FAM149B1: variants seen among roughly 807,000 people sequenced by gnomAD.
The protein encoded by FAM149B1 is primary cilium assembly protein FAM149B1.
In FAM149B1, 56 loss-of-function variants were observed where a neutral mutation model predicts 75.3. The observed-to-expected ratio is 0.74, with a 90% CI of 0.60 to 0.93. The LOEUF (loss-of-function observed/expected upper bound fraction) is 0.93. Among genes scored for constraint, FAM149B1 ranks in the 40% least tolerant of loss-of-function variants. FAM149B1 has a pLI of 0.00. For synonymous variants in FAM149B1, 259 were observed against 256.1 expected (o/e 1.01, Z -0.11); for missense variants, 639 against 708.4 (o/e 0.90, Z 1.11).
At chr10:73,223,886 C>T (rs74815119) in intron 7 of FAM149B1, among the ~76,000 whole-genome samples, 6,129 of 151,976 alleles carry the variant, frequency 0.04, 346 homozygotes, top group African/African-American at 0.13. Context: ...AATAATAAAC[C>T]CTGGTAATAA....
At position 73,243,741 on chromosome 10, in the gene FAM149B1, G is replaced by T; in HGVS notation, c.*2722G>T. ...TTAAAAGGACAAATAGAAGGTATGC[G>T]GTTATGTCTTAAAAGAAGAAAACAA... On this transcript the variant is annotated 3_prime_UTR_variant, in exon 14 of 14. Transcript: ENST00000242505. 1 of 1,179,770 alleles carries T rather than the reference G, an allele frequency of 8.5e-7. No individual in the cohort carries two copies. Among genetic ancestry groups the T allele is most frequent in the Non-Finnish European group, 1.2e-6 (1 of 820,374 alleles). 73.1% of individuals were successfully genotyped at this position (1,179,770 alleles called of 1,614,324 possible).
chr10:73,195,829 T>A (rs12268171), intron 5 of FAM149B1, among the ~76,000 whole-genome samples: 2,625 of 152,304 alleles, frequency 0.017, 80 homozygotes, highest in African/African-American at 0.06. Context: ...AAATACCTAT[T>A]TATACTTTAT....
intron 5 of FAM149B1, among the ~76,000 whole-genome samples, chr10:73,196,305 T>G (rs892349054): frequency 6.6e-6 from 1 of 151,862 alleles, no homozygotes; most frequent in African/African-American, 2.4e-5. Flanking sequence ...GTTGTGCTAC[T>G]GCTATTTTGC....
intron 5 of FAM149B1, among the ~76,000 whole-genome samples, chr10:73,197,540 C>A (rs926447506): frequency 6.6e-6 from 1 of 151,940 alleles, no homozygotes; most frequent in East Asian, 1.9e-4. Flanking sequence ...GAGGCTGAGG[C>A]GGGTGGATCA....
intron 7 of FAM149B1, among the ~76,000 whole-genome samples, chr10:73,215,278 C>T (rs1343982058): frequency 6.6e-6 from 1 of 152,160 alleles, no homozygotes; most frequent in Non-Finnish European, 1.5e-5. Context: ...ACCTTGGCCT[C>T]CCTCCCAAAG....
chr10:73,210,537 G>T, intron 7 of FAM149B1, 99 bp downstream of exon 7: 1 of 814,152 alleles, frequency 1.2e-6, no homozygotes, highest in Non-Finnish European at 1.9e-6. Flanking sequence ...CAAAAGGTGC[G>T]TATGGGCCAG....
chr10:73,224,745 C>T (rs11000551), intron 7 of FAM149B1, among the ~76,000 whole-genome samples: 15,868 of 151,860 alleles, frequency 0.1, 1,182 homozygotes, highest in East Asian at 0.31. Context: ...GTGCTGGGAT[C>T]ACAGGTGTGA....
chr10:73,201,036 G>A (rs981920834), intron 5 of FAM149B1: 14 of 307,200 alleles, frequency 4.6e-5, no homozygotes, highest in South Asian at 4.1e-4. Flanking sequence ...AAGTGTCTTC[G>A]GTTATAAACT....
chr10:73,192,659 A>C lies in FAM149B1; in HGVS notation c.386A>C (p.Glu129Ala), dbSNP rs2042712796. 1 of 1,550,844 alleles carries C rather than the reference A, an allele frequency of 6.4e-7. No homozygotes were observed. The highest frequency in any genetic ancestry group is 1.4e-5 in the African/African-American group (1 of 73,006). ...KLSVHTKSLQ[E>A]ECQQWTASFP... The stretch of plus-strand genomic sequence containing the variant: ...AGTGTGCATACCAAGAGTCTACAAG[A>C]AGAGTGCCAACAGTGGACAGCTAGC... Residue 129 changes from glutamate (E) to alanine (A), a missense_variant, in exon 4 of 14, where the codon GAA becomes GCA. Glu to Ala is a moderately radical substitution (Grantham distance 107). Coordinates refer to ENST00000242505, the MANE Select transcript of FAM149B1 (RefSeq NM_173348.2).
intron 1 of FAM149B1, among the ~76,000 whole-genome samples, chr10:73,170,903 T>C (rs745573508): frequency 6.6e-6 from 1 of 152,112 alleles, no homozygotes; most frequent in Non-Finnish European, 1.5e-5. Context: ...AAATCTTGTA[T>C]GGAAAAAAAT....
At chr10:73,239,291 G>A in intron 12 of FAM149B1, 21 bp from the exon 13 acceptor site, 1 of 1,545,222 alleles carries the variant, frequency 6.5e-7, no homozygotes, top group Non-Finnish European at 8.8e-7. Context: ...CATAAGAAGT[G>A]TCTCCTCTTT....
chr10:73,193,122 C>T (rs539846325), intron 4 of FAM149B1, among the ~76,000 whole-genome samples: 3 of 152,300 alleles, frequency 2.0e-5, no homozygotes, highest in Admixed American at 6.5e-5. Context: ...CAAAGCTTCA[C>T]GTTTTTAAGA....
chr10:73,215,673 T>C (rs1348148335), intron 7 of FAM149B1, among the ~76,000 whole-genome samples: 3 of 152,232 alleles, frequency 2.0e-5, no homozygotes, highest in South Asian at 4.1e-4. Context: ...GACCCAGTGA[T>C]TGTTCAGGAG....
chr10:73,196,021 T>G (rs1408408464), intron 5 of FAM149B1, among the ~76,000 whole-genome samples: 1 of 152,212 alleles, frequency 6.6e-6, no homozygotes, highest in East Asian at 1.9e-4. Flanking sequence ...TCAAAATATT[T>G]ATATATTTAC....
intron 7 of FAM149B1, among the ~76,000 whole-genome samples, chr10:73,226,469 C>T (rs569824166): frequency 1.3e-5 from 2 of 152,102 alleles, no homozygotes; most frequent in Admixed American, 6.5e-5. Context: ...TGCACCACCA[C>T]GTTCCAGCCT....
At chr10:73,173,740 CA>C (rs1419238752) in intron 1 of FAM149B1, among the ~76,000 whole-genome samples, 1 of 152,188 alleles carries the variant, frequency 6.6e-6, no homozygotes, top group African/African-American at 2.4e-5. Flanking sequence ...ATATTTTACA[CA>C]TTCATGACAT....
chr10:73,211,404 C>T (rs892672780), intron 7 of FAM149B1, among the ~76,000 whole-genome samples: 3 of 152,010 alleles, frequency 2.0e-5, no homozygotes, highest in Non-Finnish European at 4.4e-5. Flanking sequence ...CAAAAAAAAA[C>T]ACCACTTTGG....
Position 73,199,109 on chromosome 10 carries a change from T to C in FAM149B1, c.542+5516T>C, listed in dbSNP as rs138211126. 4.3e-4 allele frequency among the ~76,000 whole-genome samples: 65 copies of C among 152,308 alleles called. 1 individual carries two copies. Among genetic ancestry groups the C allele is most frequent in the African/African-American group, 1.3e-3 (54 of 41,562 alleles). ...CATGCATGTGGGAGAAGAATAAAGT[T>C]CTGTCACACAAGAAAACACATCTCT... On this transcript the variant is annotated intron_variant, in intron 5 of 13. Transcript: ENST00000242505.
At chr10:73,187,777 C>G (rs538627634) in intron 3 of FAM149B1, among the ~76,000 whole-genome samples, 1 of 150,930 alleles carries the variant, frequency 6.6e-6, no homozygotes, top group East Asian at 2.0e-4. Flanking sequence ...AACTTAATAT[C>G]AAAACATTAG....
Sources: gnomAD v4.1 joint callset for allele counts (sites outside exome capture counted in the v4.1 genomes callset) on GRCh38, gnomAD v4.1.1 for gene constraint, MANE v1.5 for transcripts, NCBI Gene and HGNC (gene_info 2026-07-23, HGNC 2026-07-21) for gene names.